The following BNC1 variants were observed in gnomAD, a reference collection of about 807,000 sequenced individuals.
BNC1 encodes the protein basonuclin zinc finger protein 1.
Under a neutral mutation model 66.5 loss-of-function variants are expected in BNC1, and 8 were observed. The ratio of observed to expected loss-of-function variants is 0.12; its 90% CI spans 0.07 to 0.22. The LOEUF is 0.22. Among genes scored for constraint, BNC1 ranks in the 10% least tolerant of loss-of-function variants. The pLI, the probability that BNC1 is intolerant of heterozygous loss-of-function variation, is 1.00. For synonymous variants in BNC1, 454 were observed against 452.6 expected (o/e 1.00, Z -0.04); for missense variants, 1,069 against 1,241.3 (o/e 0.86, Z 2.09).
chr15:83,284,034 A>G (rs562359420), intron 1 of BNC1, among the ~76,000 whole-genome samples: 3 of 151,754 alleles, frequency 2.0e-5, no homozygotes, highest in Non-Finnish European at 4.4e-5. Context: ...TTCTCCAGAG[A>G]AACAATCCCC....
intron 3 of BNC1, 69 bp downstream of exon 3, chr15:83,266,767 G>T: frequency 2.2e-6 from 3 of 1,376,464 alleles, no homozygotes; most frequent in Non-Finnish European, 3.1e-6. Context: ...AGGTAACTGG[G>T]TTACGTCAGT....
At position 83,263,910 on chromosome 15, in the gene BNC1, G is replaced by A. The variant is rs2038182495; in HGVS notation, c.1341C>T (p.Ser447=). Residue 447 remains serine (S), a synonymous_variant, in exon 4 of 5, where the codon TCC becomes TCT. Transcript: ENST00000345382. ...NYKCPGFTVT[S]PDCRPPPSYP... ...AGCTGGGAGGAGGCCTACAGTCTGG[G>A]GACGTCACTGTGAAACCTGGGCACT... The A allele has an allele frequency of 1.2e-6, 2 of 1,614,184 alleles. No homozygotes were observed. The highest frequency in any genetic ancestry group is 4.5e-5 in the East Asian group (2 of 44,874).
intron 1 of BNC1, among the ~76,000 whole-genome samples, chr15:83,270,120 G>A (rs999160793): frequency 6.6e-6 from 1 of 152,308 alleles, no homozygotes; most frequent in Admixed American, 6.5e-5. Flanking sequence ...TAGTTGGAGG[G>A]AGTGTGTTCT....
At chr15:83,259,881 G>C (rs1327345954) in intron 4 of BNC1, among the ~76,000 whole-genome samples, 1 of 152,110 alleles carries the variant, frequency 6.6e-6, no homozygotes, top group Non-Finnish European at 1.5e-5. Context: ...AAACCCTCTG[G>C]ATCATGTGCC....
chr15:83,268,309 T>A, intron 1 of BNC1, 77 bp from the exon 2 acceptor site: 1 of 1,306,602 alleles, frequency 7.7e-7, no homozygotes, highest in Non-Finnish European at 1.1e-6. Flanking sequence ...AAACAAAACA[T>A]ATTCCTCCAT....
At chr15:83,258,707 A>C (rs1464720307) in intron 4 of BNC1, among the ~76,000 whole-genome samples, 9 of 152,202 alleles carry the variant, frequency 5.9e-5, no homozygotes, top group Non-Finnish European at 1.3e-4. Flanking sequence ...ATTTCAATGA[A>C]ATCAGGAAAC....
At position 83,255,947 on chromosome 15, in the gene BNC1, C is replaced by A. The variant is rs1278824534; in HGVS notation, c.*1495G>T. The A allele has an allele frequency of 6.6e-6, 1 of 152,586 alleles. No homozygotes were observed. Among genetic ancestry groups the A allele is most frequent in the Admixed American group, 6.5e-5 (1 of 15,276 alleles). 9.5% of individuals were successfully genotyped at this position (152,586 alleles called of 1,614,324 possible). A position where few individuals can be genotyped will look rare whatever the true frequency, so the allele number is the denominator to read the frequency against. Reference sequence around the variant, plus strand: ...TTAAATCATAGAAAACATTTGTATACAAATCTTTTCACTTTGGGAAGACTG... The same window carrying A: ...TTAAATCATAGAAAACATTTGTATAAAAATCTTTTCACTTTGGGAAGACTG... On this transcript the variant is annotated 3_prime_UTR_variant, in exon 5 of 5. Transcript: ENST00000345382.
At chr15:83,277,654 G>T (rs1205758707) in intron 1 of BNC1, among the ~76,000 whole-genome samples, 1 of 151,924 alleles carries the variant, frequency 6.6e-6, no homozygotes, top group East Asian at 1.9e-4. Context: ...ATAGATAATT[G>T]TTGCTAACGT....
At position 83,275,094 on chromosome 15, in the gene BNC1, G is replaced by C. The variant is rs1027057771; in HGVS notation, c.100-6862C>G. ...TGTTCTAAATTCTACAGATTAAAAT[G>C]TTGAACAAAACTGATAAGGTCCCTA... On this transcript the variant is annotated intron_variant, in intron 1 of 4. Coordinates refer to ENST00000345382, the MANE Select transcript of BNC1 (RefSeq NM_001717.4). Among the ~76,000 whole-genome samples the C allele has an allele frequency of 2.6e-5, 4 of 152,184 alleles. No homozygotes were observed. The East Asian group carries it at 7.7e-4, about 29-fold the overall frequency.
At chr15:83,272,481 C>A (rs2038279033) in intron 1 of BNC1, among the ~76,000 whole-genome samples, 1 of 150,736 alleles carries the variant, frequency 6.6e-6, no homozygotes, top group South Asian at 2.1e-4. Flanking sequence ...AGATGATCCA[C>A]CTGCCTCGGC....
At chr15:83,273,604 T>A (rs951581024) in intron 1 of BNC1, among the ~76,000 whole-genome samples, 7 of 152,246 alleles carry the variant, frequency 4.6e-5, no homozygotes, top group Non-Finnish European at 7.3e-5. Flanking sequence ...GGTTTGCTTT[T>A]TCGTAACTAT....
intron 3 of BNC1, among the ~76,000 whole-genome samples, chr15:83,266,456 T>C (rs374014358): frequency 6.6e-6 from 1 of 152,330 alleles, no homozygotes; most frequent in Admixed American, 6.5e-5. Flanking sequence ...GTGTGGTTCA[T>C]GTAAGTTCCC....
intron 1 of BNC1, among the ~76,000 whole-genome samples, chr15:83,277,547 G>T (rs1156391183): frequency 6.6e-6 from 1 of 152,146 alleles, no homozygotes; most frequent in South Asian, 2.1e-4. Context: ...CTGACCTCAT[G>T]ATCTGCCCAC....
At chr15:83,283,180 C>T (rs2038399935) in intron 1 of BNC1, 3 of 1,535,666 alleles carry the variant, frequency 2.0e-6, no homozygotes, top group South Asian at 2.4e-5. Flanking sequence ...AAAGAGATGC[C>T]TTAAATGAGA....
At chr15:83,277,978 CT>C (rs1567196188) in intron 1 of BNC1, among the ~76,000 whole-genome samples, 1 of 151,448 alleles carries the variant, frequency 6.6e-6, no homozygotes, top group East Asian at 1.9e-4. Flanking sequence ...TTCACTTTTT[CT>C]TTTTAAGTTT....
At chr15:83,273,740 C>T (rs559787659) in intron 1 of BNC1, among the ~76,000 whole-genome samples, 3 of 152,234 alleles carry the variant, frequency 2.0e-5, no homozygotes, top group African/African-American at 4.8e-5. Flanking sequence ...CTTGGTCTCT[C>T]GGACACCCTG....
chr15:83,266,743 G>T, intron 3 of BNC1, 93 bp downstream of exon 3: 1 of 1,099,040 alleles, frequency 9.1e-7, no homozygotes, highest in Non-Finnish European at 1.4e-6. Flanking sequence ...GCCACCAAGG[G>T]CTGTAGCATT....
At chr15:83,281,123 C>T (rs907960129) in intron 1 of BNC1, among the ~76,000 whole-genome samples, 1 of 152,162 alleles carries the variant, frequency 6.6e-6, no homozygotes, top group Non-Finnish European at 1.5e-5. Context: ...TTATACCCAC[C>T]CTCTTCGGCT....
At chr15:83,273,007 G>A (rs1167759617) in intron 1 of BNC1, among the ~76,000 whole-genome samples, 1 of 152,100 alleles carries the variant, frequency 6.6e-6, no homozygotes, top group Non-Finnish European at 1.5e-5. Flanking sequence ...ACTCCCATGG[G>A]CATTTGGGGC....
Sources: allele counts gnomAD v4.1 joint callset (sites outside exome capture counted in the v4.1 genomes callset), GRCh38; gene constraint gnomAD v4.1.1; transcripts MANE v1.5; gene names NCBI Gene and HGNC (gene_info 2026-07-23, HGNC 2026-07-21).